The following FHIT variants were observed in gnomAD, a reference collection of about 807,000 sequenced individuals.
FHIT encodes bis(5'-adenosyl)-triphosphatase.
Under a neutral mutation model 17.9 loss-of-function variants are expected in FHIT, and 19 were observed. That is an observed-to-expected ratio of 1.06 (90% confidence interval 0.74 to 1.56). The LOEUF (loss-of-function observed/expected upper bound fraction) is 1.56, where lower values mean the gene tolerates loss of function less well. Among genes scored for constraint, FHIT ranks in the 40% most tolerant of loss-of-function variants. The pLI is 0.00. For missense variants in FHIT, 248 were observed against 189.2 expected (o/e 1.31, Z -1.82); for synonymous variants, 81 against 69.7 (o/e 1.16, Z -0.81).
At position 61,004,624 on chromosome 3, in the gene FHIT, A is replaced by G. The variant is rs1356376246; in HGVS notation, c.-111+37423T>C. On this transcript the variant is annotated intron_variant, in intron 3 of 9. Transcript: ENST00000492590. ...TCTGCTTTGATAGAGGAACATAGCC[A>G]GCTCAAAGGGACCCCACAGGGAGTG... 2.0e-5 allele frequency among the ~76,000 whole-genome samples: 3 copies of G among 152,316 alleles called. No homozygotes were observed. In the East Asian group the frequency reaches 5.8e-4, roughly 29 times the overall value.
In FHIT at chr3:60,151,799, T is replaced by C. The variant is rs77444364; in HGVS notation, c.104-137647A>G. On this transcript the variant is annotated intron_variant, in intron 5 of 9. Coordinates refer to ENST00000492590, the MANE Select transcript of FHIT (RefSeq NM_002012.4). ...TTCAGTTTACTGCACCAATCTCATA[T>C]CTTCAAAAAGTTTTTCCTAGACCTC... Among the ~76,000 whole-genome samples, 768 of 152,312 alleles carry C rather than the reference T, an allele frequency of 5.0e-3. 13 individuals carry two copies. The highest frequency in any genetic ancestry group is 0.017 in the African/African-American group (726 of 41,582).
intron 4 of FHIT, among the ~76,000 whole-genome samples, chr3:60,802,516 T>C (rs929251649): frequency 1.3e-5 from 2 of 152,174 alleles, no homozygotes; most frequent in African/African-American, 4.8e-5. Context: ...AAATGTGTAG[T>C]TTTGGAAAAA....
intron 3 of FHIT, among the ~76,000 whole-genome samples, chr3:61,040,348 T>C (rs2033447824): frequency 6.6e-6 from 1 of 152,230 alleles, no homozygotes; most frequent in Admixed American, 6.5e-5. Context: ...AGGATCAGCA[T>C]GATCAGTGCA....
intron 4 of FHIT, among the ~76,000 whole-genome samples, chr3:60,538,639 C>T (rs1398994518): frequency 9.9e-5 from 15 of 152,172 alleles, no homozygotes; most frequent in African/African-American, 3.4e-4. Flanking sequence ...TAATGCCACA[C>T]ATCTACAACT....
intron 3 of FHIT, among the ~76,000 whole-genome samples, chr3:60,957,487 T>C (rs1250333321): frequency 6.6e-6 from 1 of 152,198 alleles, no homozygotes; most frequent in East Asian, 1.9e-4. Context: ...TCCACCCGCC[T>C]TGGCCTCCCA....
At chr3:61,201,957 T>A in intron 1 of FHIT, among the ~76,000 whole-genome samples, 1 of 149,814 alleles carries the variant, frequency 6.7e-6, no homozygotes, top group East Asian at 1.9e-4. Context: ...TATGTGTGTA[T>A]ATATATGTGT....
chr3:60,144,175 C>A (rs138186486), intron 5 of FHIT, among the ~76,000 whole-genome samples: 1 of 152,140 alleles, frequency 6.6e-6, no homozygotes, highest in African/African-American at 2.4e-5. Flanking sequence ...AGCATCCATA[C>A]GGCAGAAGTT....
rs1298176304 is a variant in FHIT at position 61,096,590 on chromosome 3, C to CAATTT, written c.-163-54492_-163-54491insAAATT. Among the ~76,000 whole-genome samples the CAATTT allele has an allele frequency of 6.6e-5, 10 of 152,274 alleles. No individual in the cohort carries two copies. In the South Asian group the frequency reaches 2.1e-3, roughly 32 times the overall value. ...AATGCCTTAAGGTAATATGGATGAA[C>CAATTT]AACTGTCTGGGTTTCCTGTGGAGGA... On this transcript the variant is annotated intron_variant, in intron 2 of 9. Transcript: ENST00000492590.
At chr3:59,762,720 C>G (rs1490613635) in intron 8 of FHIT, among the ~76,000 whole-genome samples, 2 of 152,204 alleles carry the variant, frequency 1.3e-5, no homozygotes, top group Non-Finnish European at 2.9e-5. Context: ...GAGGGCCCTG[C>G]TGGAAAACCT....
intron 5 of FHIT, among the ~76,000 whole-genome samples, chr3:60,527,719 A>G (rs892874937): frequency 6.6e-6 from 1 of 152,246 alleles, no homozygotes; most frequent in Admixed American, 6.5e-5. Context: ...TGGCAGAGTA[A>G]AGATTTAGGA....
chr3:59,900,520 T>C (rs1029766750), intron 8 of FHIT, among the ~76,000 whole-genome samples: 2 of 152,242 alleles, frequency 1.3e-5, no homozygotes, highest in Admixed American at 6.5e-5. Context: ...CACTTCACAC[T>C]GAGCTATCTC....
chr3:61,169,195 G>A (rs1030756639), intron 2 of FHIT, among the ~76,000 whole-genome samples: 2 of 152,174 alleles, frequency 1.3e-5, no homozygotes, highest in East Asian at 1.9e-4. Context: ...GCACCACTTC[G>A]TAAGTTGTAG....
At chr3:60,362,371 T>C (rs983061614) in intron 5 of FHIT, among the ~76,000 whole-genome samples, 2 of 152,214 alleles carry the variant, frequency 1.3e-5, no homozygotes, top group African/African-American at 4.8e-5. Flanking sequence ...TTATCAAACA[T>C]GAAGGCTTTT....
chr3:61,100,281 A>G (rs1427733624), intron 2 of FHIT, among the ~76,000 whole-genome samples: 1 of 152,066 alleles, frequency 6.6e-6, no homozygotes, highest in Non-Finnish European at 1.5e-5. Context: ...TCATTGTTCA[A>G]TTCCCACCTA....
At chr3:59,963,646 T>A (rs959856678) in intron 7 of FHIT, among the ~76,000 whole-genome samples, 5 of 152,184 alleles carry the variant, frequency 3.3e-5, no homozygotes, top group African/African-American at 1.2e-4. Flanking sequence ...TCCTAAAAAT[T>A]AAGTAACTAA....
chr3:60,818,675 T>G (rs1701819386), intron 4 of FHIT, among the ~76,000 whole-genome samples: 1 of 152,224 alleles, frequency 6.6e-6, no homozygotes, highest in Admixed American at 6.5e-5. Flanking sequence ...TTGTCTCATA[T>G]TAATAAATTC....
intron 5 of FHIT, among the ~76,000 whole-genome samples, chr3:60,508,760 A>G (rs764626997): frequency 6.6e-6 from 1 of 152,116 alleles, no homozygotes. Context: ...TTTCTTTGAC[A>G]TCTTAAAGTT....
intron 2 of FHIT, among the ~76,000 whole-genome samples, chr3:61,139,030 C>CT (rs368329092): frequency 0.27 from 36,375 of 137,204 alleles, 5,150 homozygotes; most frequent in East Asian, 0.44. Context: ...CTATATCAAA[C>CT]TTTTTTTTTT....
At chr3:60,312,783 C>T (rs753472456) in intron 5 of FHIT, among the ~76,000 whole-genome samples, 1 of 152,054 alleles carries the variant, frequency 6.6e-6, no homozygotes, top group Non-Finnish European at 1.5e-5. Flanking sequence ...TACGTATATA[C>T]ACACACACAA....
Sources: allele counts gnomAD v4.1 joint callset (sites outside exome capture counted in the v4.1 genomes callset), GRCh38; gene constraint gnomAD v4.1.1; transcripts MANE v1.5; gene names NCBI Gene and HGNC (gene_info 2026-07-23, HGNC 2026-07-21).